Variants in MSRB2 observed in about 807,000 individuals in gnomAD.
MSRB2 encodes methionine sulfoxide reductase B2.
MSRB2 carries 17 observed loss-of-function variants against 19.0 expected under a neutral mutation model. That is an observed-to-expected ratio of 0.89 (90% CI 0.61 to 1.34). MSRB2 has a LOEUF of 1.34. Among genes scored for constraint, MSRB2 ranks in the 40% most tolerant of loss-of-function variants. The probability of loss-of-function intolerance (pLI) is 0.00; values close to 1 mark genes in which losing one functional copy is unlikely to be tolerated. For synonymous variants in MSRB2, 107 were observed against 99.7 expected, an observed-to-expected ratio of 1.07 and a Z score of -0.44; for missense variants, 208 against 237.6, an observed-to-expected ratio of 0.88 and a Z score of 0.82.
At chr10:23,098,909 G>A (rs904030361) in intron 1 of MSRB2, among the ~76,000 whole-genome samples, 1 of 152,222 alleles carries the variant, frequency 6.6e-6, no homozygotes, top group Non-Finnish European at 1.5e-5. Context: ...GAGGCTGGAA[G>A]TCCAAGGCCA....
intron 1 of MSRB2, among the ~76,000 whole-genome samples, chr10:23,100,805 A>G (rs148103504): frequency 6.6e-6 from 1 of 152,318 alleles, no homozygotes; most frequent in Non-Finnish European, 1.5e-5. Flanking sequence ...GCCAAACCAT[A>G]TCAGAGGCAG....
At chr10:23,104,783 A>G (rs140520638) in intron 2 of MSRB2, among the ~76,000 whole-genome samples, 1 of 151,944 alleles carries the variant, frequency 6.6e-6, no homozygotes, top group African/African-American at 2.4e-5. Flanking sequence ...GAGCTCTCAC[A>G]TGCCCTGGGC....
intron 1 of MSRB2, among the ~76,000 whole-genome samples, chr10:23,103,488 C>G (rs2131623754): frequency 6.6e-6 from 1 of 152,226 alleles, no homozygotes; most frequent in Middle Eastern, 3.4e-3. Flanking sequence ...GGTTTACACT[C>G]ACGTGAATAA....
intron 1 of MSRB2, among the ~76,000 whole-genome samples, chr10:23,098,398 T>C (rs1839890435): frequency 6.6e-6 from 1 of 152,214 alleles, no homozygotes; most frequent in African/African-American, 2.4e-5. Context: ...CAACAAAATA[T>C]ATGGCCTGTG....
chr10:23,116,203 G>A (rs911964740), intron 3 of MSRB2, among the ~76,000 whole-genome samples: 67 of 111,534 alleles, frequency 6.0e-4, no homozygotes, highest in Non-Finnish European at 1.2e-3. Context: ...CATTGCTATT[G>A]TTAGCTTAAA....
intron 1 of MSRB2, 132 bp downstream of exon 1, chr10:23,095,858 TC>T (rs55816790): frequency 0.3 from 110,868 of 371,984 alleles, 10,744 homozygotes; most frequent in South Asian, 0.37. Context: ...GGCGCGCCCC[TC>T]CCCCCCCCCA....
rs548271442 is a variant in MSRB2 at position 23,096,336 on chromosome 10, G to C, written c.118+610G>C. On this transcript the variant is annotated intron_variant, in intron 1 of 4. Coordinates refer to ENST00000376510, the MANE Select transcript of MSRB2 (RefSeq NM_012228.4). ...GAGACCAGGGCGAGCCTGTGTGTGT[G>C]TGTCTCTCTCTCTCTCTGTGTGTGT... 2.5e-5 allele frequency among the ~76,000 whole-genome samples: 3 copies of C among 118,786 alleles called. No homozygotes were observed. In the South Asian group the frequency reaches 1.0e-3, roughly 40 times the overall value. 77.9% of individuals were successfully genotyped at this position (118,786 alleles called of 152,430 possible).
intron 4 of MSRB2, 72 bp from the exon 5 acceptor site, chr10:23,120,686 G>A (rs1840171661): frequency 5.0e-6 from 6 of 1,204,308 alleles, no homozygotes; most frequent in Non-Finnish European, 7.2e-6. Flanking sequence ...TTTTGGGGGG[G>A]TTCGTCTGTC....
At chr10:23,100,162 G>T (rs1839912132) in intron 1 of MSRB2, among the ~76,000 whole-genome samples, 1 of 152,192 alleles carries the variant, frequency 6.6e-6, no homozygotes, top group Admixed American at 6.5e-5. Flanking sequence ...TAAGAGGAGG[G>T]TGTTTTATCA....
intron 2 of MSRB2, among the ~76,000 whole-genome samples, chr10:23,104,895 C>A (rs148348027): frequency 1.3e-5 from 2 of 152,232 alleles, no homozygotes; most frequent in Admixed American, 6.5e-5. Flanking sequence ...TTGTAGCTCT[C>A]GGCCCAAATC....
At chr10:23,110,644 A>G (rs1247491951) in intron 3 of MSRB2, among the ~76,000 whole-genome samples, 2 of 151,788 alleles carry the variant, frequency 1.3e-5, no homozygotes, top group Non-Finnish European at 2.9e-5. Context: ...TTTTAGAGGG[A>G]AAGTATTTAA....
rs147150358 is a variant in MSRB2 at position 23,102,996 on chromosome 10, G to A, written c.119-1148G>A. Among the ~76,000 whole-genome samples, 378 of 152,210 alleles carry A rather than the reference G, an allele frequency of 2.5e-3. 1 individual carries two copies. Among genetic ancestry groups the A allele is most frequent in the African/African-American group, 7.1e-3 (296 of 41,518 alleles). On this transcript the variant is annotated intron_variant, in intron 1 of 4. Transcript: ENST00000376510. The stretch of plus-strand genomic sequence containing the variant: ...AAACCCCTGTAGTCTTATAAAGATT[G>A]TATTTAATAAAAGATACCTCCTAGG...
At chr10:23,100,795 G>A (rs1564427272) in intron 1 of MSRB2, among the ~76,000 whole-genome samples, 1 of 152,156 alleles carries the variant, frequency 6.6e-6, no homozygotes, top group Non-Finnish European at 1.5e-5. Flanking sequence ...GGGACACAGA[G>A]CCAAACCATA....
intron 4 of MSRB2, 126 bp downstream of exon 4, chr10:23,119,577 G>A (rs1022546509): frequency 1.7e-6 from 2 of 1,165,042 alleles, no homozygotes; most frequent in African/African-American, 1.5e-5. Flanking sequence ...GAACACATGG[G>A]GTTTCTTTTT....
chr10:23,098,888 A>G (rs948324460), intron 1 of MSRB2, among the ~76,000 whole-genome samples: 1 of 152,208 alleles, frequency 6.6e-6, no homozygotes, highest in Admixed American at 6.5e-5. Context: ...ATTCATTTTC[A>G]TACGGTTCTG....
chr10:23,113,354 T>A (rs1840074579), intron 3 of MSRB2, among the ~76,000 whole-genome samples: 2 of 152,186 alleles, frequency 1.3e-5, no homozygotes. Context: ...GATCCCAGAT[T>A]TCTCCTGAAA....
intron 1 of MSRB2, among the ~76,000 whole-genome samples, chr10:23,096,352 C>CTCTCTCTCTGTGTGTGTGTGTGTGTG (rs144653384): frequency 7.7e-4 from 110 of 142,830 alleles, no homozygotes; most frequent in African/African-American, 2.9e-3. Context: ...CTCTCTCTCT[C>CTCTCTCTCTGTGTGTGTGTGTGTGTG]TGTGTGTGTG....
chr10:23,105,718 A>G (rs1839981469), intron 2 of MSRB2, among the ~76,000 whole-genome samples: 1 of 152,222 alleles, frequency 6.6e-6, no homozygotes. Context: ...ATAGTAGAGT[A>G]TGAATGTTTT....
chr10:23,111,635 G>A (rs1312980646), intron 3 of MSRB2, among the ~76,000 whole-genome samples: 3 of 152,174 alleles, frequency 2.0e-5, no homozygotes, highest in Non-Finnish European at 4.4e-5. Flanking sequence ...CTGGAGCCAG[G>A]AGGGTCCTGA....
Sources: allele counts gnomAD v4.1 joint callset (sites outside exome capture counted in the v4.1 genomes callset), GRCh38; gene constraint gnomAD v4.1.1; transcripts MANE v1.5; gene names NCBI Gene and HGNC (gene_info 2026-07-23, HGNC 2026-07-21).